The following RTP2 variants were observed in gnomAD, a reference collection of about 807,000 sequenced individuals.
RTP2 encodes receptor transporter protein 2, also known as receptor-transporting protein 2.
A neutral mutation model predicts 17.9 loss-of-function variants in RTP2; 12 were observed. The ratio of observed to expected loss-of-function variants is 0.67; its 90% CI spans 0.43 to 1.09. The LOEUF is 1.09. Among genes scored for constraint, RTP2 ranks in the 50% least tolerant of loss-of-function variants. The pLI, the probability that RTP2 is intolerant of heterozygous loss-of-function variation, is 0.00. For synonymous variants in RTP2, 126 were observed against 117.7 expected, an observed-to-expected ratio of 1.07 and a Z score of -0.46; for missense variants, 327 against 295.7, an observed-to-expected ratio of 1.11 and a Z score of -0.78.
At chr3:187,701,655 T>C (rs1717850279) in intron 1 of RTP2, among the ~76,000 whole-genome samples, 1 of 152,188 alleles carries the variant, frequency 6.6e-6, no homozygotes. Flanking sequence ...ATGGCCTCCT[T>C]CCTTCAGTTC....
chr3:187,709,481 C>T, the RTP2 span, among the ~76,000 whole-genome samples: 1 of 152,124 alleles, frequency 6.6e-6, no homozygotes, highest in Non-Finnish European at 1.5e-5. Context: ...GTTAGGATTT[C>T]CAGACCAGTC....
At chr3:187,702,224 A>T (rs1267636389) in exon 1 of RTP2, 3 of 1,264,074 alleles carry the variant, frequency 2.4e-6, no homozygotes, top group African/African-American at 3.0e-5. Context: ...CTACGGTCAG[A>T]ATCCTCATCG....
the RTP2 span, among the ~76,000 whole-genome samples, chr3:187,713,257 A>T: frequency 6.6e-6 from 1 of 152,200 alleles, no homozygotes; most frequent in African/African-American, 2.4e-5. Flanking sequence ...TACTCCCAGA[A>T]TTTACAATTT....
upstream of RTP2, among the ~76,000 whole-genome samples, chr3:187,707,467 A>G (rs1289343389): frequency 6.6e-6 from 1 of 152,178 alleles, no homozygotes; most frequent in Non-Finnish European, 1.5e-5. Context: ...TGGCAGTTAA[A>G]TAAAAAAAAT....
chr3:187,699,096 T>A, intron 1 of RTP2, 85 bp from the exon 2 acceptor site: 1 of 1,430,736 alleles, frequency 7.0e-7, no homozygotes, highest in Non-Finnish European at 9.3e-7. Flanking sequence ...AAAAAAAGCC[T>A]GTGTGCCCGT....
At chr3:187,714,395 G>A in the RTP2 span, among the ~76,000 whole-genome samples, 2 of 152,208 alleles carry the variant, frequency 1.3e-5, no homozygotes, top group African/African-American at 4.8e-5. Context: ...AGAAAGATTT[G>A]GGGGCCAGAG....
chr3:187,713,868 T>G, the RTP2 span, among the ~76,000 whole-genome samples: 1 of 152,188 alleles, frequency 6.6e-6, no homozygotes, highest in Non-Finnish European at 1.5e-5. Context: ...TTTATTCAGT[T>G]CTAGGAAACC....
At chr3:187,710,323 A>G in the RTP2 span, among the ~76,000 whole-genome samples, 1 of 150,174 alleles carries the variant, frequency 6.7e-6, no homozygotes, top group Non-Finnish European at 1.5e-5. Flanking sequence ...AGACTTTTCA[A>G]CCTCTGCAAT....
the RTP2 span, among the ~76,000 whole-genome samples, chr3:187,708,953 C>G: frequency 1.7e-5 from 2 of 117,922 alleles, no homozygotes; most frequent in African/African-American, 6.3e-5. Flanking sequence ...ATTCCCTAGG[C>G]CCAGTTTTTT....
exon 2 of RTP2, chr3:187,698,591 G>T: frequency 1.2e-6 from 2 of 1,614,246 alleles, no homozygotes; most frequent in Non-Finnish European, 1.7e-6. Flanking sequence ...GAGACAAGAA[G>T]TTGTAGCCGG....
upstream of RTP2, among the ~76,000 whole-genome samples, chr3:187,704,439 A>C (rs927818747): frequency 6.6e-6 from 1 of 152,208 alleles, no homozygotes; most frequent in African/African-American, 2.4e-5. Flanking sequence ...ATTTCAATAC[A>C]TGTTCTTGAG....
chr3:187,712,066 T>TG, the RTP2 span, among the ~76,000 whole-genome samples: 2 of 152,132 alleles, frequency 1.3e-5, no homozygotes, highest in South Asian at 4.2e-4. Context: ...TTGGTTGTGG[T>TG]GGTGGCCATG....
the RTP2 span, among the ~76,000 whole-genome samples, chr3:187,715,422 G>A: frequency 9.9e-5 from 15 of 151,922 alleles, no homozygotes; most frequent in African/African-American, 3.1e-4. Flanking sequence ...CCAGGGTTCT[G>A]TCAAAGAAGT....
chr3:187,711,530 A>G, the RTP2 span, among the ~76,000 whole-genome samples: 2 of 152,234 alleles, frequency 1.3e-5, no homozygotes, highest in African/African-American at 4.8e-5. Context: ...TACTGTTCTT[A>G]GAGAATGTGG....
At chr3:187,701,195 T>A (rs570122720) in intron 1 of RTP2, among the ~76,000 whole-genome samples, 1 of 152,132 alleles carries the variant, frequency 6.6e-6, no homozygotes, top group Non-Finnish European at 1.5e-5. Flanking sequence ...CAGTCCCCAA[T>A]CATGATCTAA....
chr3:187,715,607 T>G, the RTP2 span: 1 of 455,958 alleles, frequency 2.2e-6, no homozygotes, highest in Non-Finnish European at 4.4e-6. Context: ...CTTGGCTTCC[T>G]TTCCTTTATG....
At chr3:187,705,572 A>G (rs948161464), upstream of RTP2, among the ~76,000 whole-genome samples, 3 of 152,234 alleles carry the variant, frequency 2.0e-5, no homozygotes, top group East Asian at 3.8e-4. Flanking sequence ...ACCAATTCAC[A>G]TAAGGAAAGG....
exon 2 of RTP2, chr3:187,698,305 A>C: frequency 1.7e-6 from 1 of 582,440 alleles, no homozygotes. Flanking sequence ...TCCCCCAATT[A>C]TTGTCACATC....
chr3:187,702,644 G>A (rs1717884097), upstream of RTP2: 1 of 453,902 alleles, frequency 2.2e-6, no homozygotes. Context: ...CTTACCATGT[G>A]CCTAGCACAA....
Sources: gnomAD v4.1 joint callset for allele counts (sites outside exome capture counted in the v4.1 genomes callset) on GRCh38, gnomAD v4.1.1 for gene constraint, MANE v1.5 for transcripts, NCBI Gene and HGNC (gene_info 2026-07-23, HGNC 2026-07-21) for gene names.